LRMDA: variants seen among roughly 807,000 people sequenced by gnomAD.
LRMDA encodes the protein leucine-rich melanocyte differentiation-associated protein.
In LRMDA, 18 loss-of-function variants were observed where a neutral mutation model predicts 29.8. That is an observed-to-expected ratio of 0.60 (90% CI 0.42 to 0.90). LRMDA has a LOEUF of 0.90. LRMDA is among the 40% of genes least tolerant of loss of function. LRMDA has a pLI of 0.00. For synonymous variants in LRMDA, 125 were observed against 109.4 expected (o/e 1.14, Z -0.89); for missense variants, 273 against 273.9 (o/e 1.00, Z 0.02).
chr10:75,875,487 G>A (rs1845181079), intron 2 of LRMDA, among the ~76,000 whole-genome samples: 1 of 152,076 alleles, frequency 6.6e-6, no homozygotes, highest in Admixed American at 6.5e-5. Flanking sequence ...AGGATGGAGT[G>A]CAATGGCATG....
At chr10:75,905,549 AAAAG>A (rs1431748333) in intron 2 of LRMDA, among the ~76,000 whole-genome samples, 1 of 152,206 alleles carries the variant, frequency 6.6e-6, no homozygotes, top group Non-Finnish European at 1.5e-5. Flanking sequence ...ACCAAAAAAA[AAAAG>A]AGTCTGTCAA....
chr10:75,468,456 G>C (rs1844685431), intron 2 of LRMDA, among the ~76,000 whole-genome samples: 1 of 152,084 alleles, frequency 6.6e-6, no homozygotes, highest in African/African-American at 2.4e-5. Flanking sequence ...AGCCCTTCCA[G>C]AAGGAAGATT....
chr10:75,974,651 A>G (rs770781037), intron 2 of LRMDA, among the ~76,000 whole-genome samples: 2 of 152,250 alleles, frequency 1.3e-5, no homozygotes, highest in Non-Finnish European at 1.5e-5. Flanking sequence ...CATTTTGCCA[A>G]TGAGGAAACT....
At chr10:76,132,163 T>A (rs887932690) in intron 5 of LRMDA, among the ~76,000 whole-genome samples, 2 of 152,142 alleles carry the variant, frequency 1.3e-5, no homozygotes, top group African/African-American at 2.4e-5. Context: ...GGTCTTTTGG[T>A]CACTCTCTAT....
intron 2 of LRMDA, among the ~76,000 whole-genome samples, chr10:76,035,303 C>G (rs1022784384): frequency 3.3e-5 from 5 of 151,904 alleles, no homozygotes; most frequent in Non-Finnish European, 7.4e-5. Flanking sequence ...GCAGCAAAAA[C>G]AAATAAAAAG....
chr10:75,712,879 AC>A (rs1357946640), intron 2 of LRMDA, among the ~76,000 whole-genome samples: 1 of 151,772 alleles, frequency 6.6e-6, no homozygotes, highest in Non-Finnish European at 1.5e-5. Context: ...ATAAGTTCAC[AC>A]AGGGTTTCTG....
At chr10:75,646,354 C>G (rs1841521158) in intron 2 of LRMDA, among the ~76,000 whole-genome samples, 1 of 152,204 alleles carries the variant, frequency 6.6e-6, no homozygotes, top group Non-Finnish European at 1.5e-5. Context: ...CCACCTCCCT[C>G]TCTGCTCACA....
rs1040566097 is a variant in LRMDA at position 75,449,801 on chromosome 10, G to A, written c.131+11307G>A. Among the ~76,000 whole-genome samples, 8 of 152,268 alleles carry A rather than the reference G, an allele frequency of 5.3e-5. No individual in the cohort carries two copies. The South Asian group carries it at 6.2e-4, about 12-fold the overall frequency. ...TGAGATGTGGTTCAGATCAGAGATC[G>A]CAGCCGTGGGACAAATGGCTCAACA... On this transcript the variant is annotated intron_variant, in intron 2 of 6. Coordinates refer to ENST00000611255, the MANE Select transcript of LRMDA (RefSeq NM_001305581.2).
chr10:75,837,428 CTA>C (rs1027795031), intron 2 of LRMDA, among the ~76,000 whole-genome samples: 1 of 152,048 alleles, frequency 6.6e-6, no homozygotes, highest in African/African-American at 2.4e-5. Context: ...TCATGTTTGT[CTA>C]TAGGACAATT....
intron 2 of LRMDA, among the ~76,000 whole-genome samples, chr10:75,556,073 T>A (rs945316041): frequency 6.6e-6 from 1 of 152,084 alleles, no homozygotes; most frequent in Non-Finnish European, 1.5e-5. Flanking sequence ...CTAATACATG[T>A]TGTCATAGGA....
At chr10:76,084,071 G>A (rs557631178) in intron 5 of LRMDA, among the ~76,000 whole-genome samples, 1 of 152,316 alleles carries the variant, frequency 6.6e-6, no homozygotes, top group East Asian at 1.9e-4. Flanking sequence ...TGGACAAGTG[G>A]CTAGGGAAAG....
At chr10:76,210,494 C>T (rs1027463602) in intron 5 of LRMDA, among the ~76,000 whole-genome samples, 1 of 152,166 alleles carries the variant, frequency 6.6e-6, no homozygotes, top group Non-Finnish European at 1.5e-5. Flanking sequence ...GCTCAGTAAA[C>T]ATCTGTTGAA....
intron 2 of LRMDA, among the ~76,000 whole-genome samples, chr10:75,795,449 G>C (rs1020378707): frequency 6.6e-6 from 1 of 152,022 alleles, no homozygotes; most frequent in Non-Finnish European, 1.5e-5. Flanking sequence ...TTGAGAGTCT[G>C]TGTGTATATC....
At chr10:75,850,212 G>A (rs1347736347) in intron 2 of LRMDA, among the ~76,000 whole-genome samples, 3 of 152,250 alleles carry the variant, frequency 2.0e-5, no homozygotes, top group East Asian at 1.9e-4. Context: ...GCTGAAAAGC[G>A]GTCTCTCAAT....
At chr10:76,400,143 A>G (rs1432468447) in intron 6 of LRMDA, among the ~76,000 whole-genome samples, 1 of 152,232 alleles carries the variant, frequency 6.6e-6, no homozygotes, top group African/African-American at 2.4e-5. Context: ...GTAAGAAGCT[A>G]TGTTGGAGAG....
At chr10:76,310,994 G>A (rs2579783) in intron 5 of LRMDA, among the ~76,000 whole-genome samples, 92,673 of 152,038 alleles carry the variant, frequency 0.61, 31,959 homozygotes, top group Non-Finnish European at 0.81. Flanking sequence ...ATTTAAAGAG[G>A]GATTCAGTGT....
At chr10:76,172,723 A>G (rs937692358) in intron 5 of LRMDA, among the ~76,000 whole-genome samples, 3 of 152,210 alleles carry the variant, frequency 2.0e-5, no homozygotes, top group African/African-American at 7.2e-5. Context: ...GGCATCCAGT[A>G]GACTACTCAG....
chr10:76,168,790 T>G (rs185444748), intron 5 of LRMDA, among the ~76,000 whole-genome samples: 1 of 152,360 alleles, frequency 6.6e-6, no homozygotes. Context: ...CATATATCTC[T>G]TCCACACATT....
intron 2 of LRMDA, among the ~76,000 whole-genome samples, chr10:76,032,258 GCCCTTCTGTGGGGCCCCTGGCCCC>G (rs1848161893): frequency 2.0e-5 from 3 of 152,308 alleles, no homozygotes; most frequent in South Asian, 4.1e-4. Context: ...TCAAGGGGCG[GCCCTTCTGTGGGGCCCCTGGCCCC>G]CTACCCATGG....
Sources: allele counts gnomAD v4.1 joint callset (sites outside exome capture counted in the v4.1 genomes callset), GRCh38; gene constraint gnomAD v4.1.1; transcripts MANE v1.5; gene names NCBI Gene and HGNC (gene_info 2026-07-23, HGNC 2026-07-21).